Variants in PDZD8 observed in about 807,000 individuals in gnomAD.
PDZD8 encodes the protein PDZ domain-containing protein 8.
PDZD8 carries 14 observed loss-of-function variants against 85.8 expected under a neutral mutation model. The ratio of observed to expected loss-of-function variants is 0.16; its 90% confidence interval spans 0.11 to 0.26. The LOEUF is 0.26. Ranked by LOEUF, PDZD8 falls within the 10% of genes least tolerant of loss-of-function variation. PDZD8 has a pLI of 1.00. For missense variants in PDZD8, 1,197 were observed against 1,424.3 expected, an observed-to-expected ratio of 0.84 and a Z score of 2.57; for synonymous variants, 592 against 568.6, an observed-to-expected ratio of 1.04 and a Z score of -0.59.
intron 4 of PDZD8, among the ~76,000 whole-genome samples, chr10:117,287,300 A>G (rs1451321016): frequency 6.6e-6 from 1 of 151,916 alleles, no homozygotes; most frequent in African/African-American, 2.4e-5. Flanking sequence ...CACCTATACC[A>G]CCTGCACCTT....
intron 1 of PDZD8, among the ~76,000 whole-genome samples, chr10:117,341,429 C>T (rs993476295): frequency 8.5e-5 from 13 of 152,074 alleles, no homozygotes; most frequent in African/African-American, 2.4e-4. Flanking sequence ...AGTGTTCCTA[C>T]GGTACAAGAT....
At chr10:117,364,517 C>CA (rs201393038) in intron 1 of PDZD8, among the ~76,000 whole-genome samples, 2 of 149,232 alleles carry the variant, frequency 1.3e-5, no homozygotes, top group East Asian at 2.0e-4. Context: ...GAAGTCTGAG[C>CA]AAAAAAAAAT....
intron 1 of PDZD8, among the ~76,000 whole-genome samples, chr10:117,353,810 G>T (rs1449050213): frequency 6.6e-6 from 1 of 152,100 alleles, no homozygotes; most frequent in Non-Finnish European, 1.5e-5. Flanking sequence ...TGACTTTTAA[G>T]TGAAGTATTC....
chr10:117,317,570 C>T (rs935837066), intron 3 of PDZD8, among the ~76,000 whole-genome samples: 2 of 152,184 alleles, frequency 1.3e-5, no homozygotes, highest in Admixed American at 1.3e-4. Flanking sequence ...AATCTCATAT[C>T]TTTGCAAATA....
chr10:117,347,090 G>C (rs1844722380), intron 1 of PDZD8, among the ~76,000 whole-genome samples: 1 of 151,494 alleles, frequency 6.6e-6, no homozygotes, highest in African/African-American at 2.4e-5. Context: ...TCCCTGTCCT[G>C]AATTCTTTCT....
intron 2 of PDZD8, among the ~76,000 whole-genome samples, chr10:117,322,826 G>A (rs1168565513): frequency 6.6e-6 from 1 of 152,066 alleles, no homozygotes; most frequent in Non-Finnish European, 1.5e-5. Context: ...TCAGGGAATG[G>A]GTCAGTTAAC....
chr10:117,301,662 G>GCTTA lies in PDZD8; in HGVS notation c.1099-11318_1099-11315dup, dbSNP rs113540956. ...TTTACTGCCAAGTGAGGGACTACCA[G>GCTTA]CTTACTGTCCATCCCAATTAGAGGC... is the stretch of plus-strand genomic sequence containing the variant. On this transcript the variant is annotated intron_variant, in intron 3 of 4. Transcript: ENST00000334464. Among the ~76,000 whole-genome samples the GCTTA allele has an allele frequency of 3.6e-3, 551 of 152,292 alleles. 3 individuals are homozygous for GCTTA. Among genetic ancestry groups the GCTTA allele is most frequent in the African/African-American group, 0.013 (521 of 41,568 alleles).
At chr10:117,369,512 A>T (rs1370047111) in intron 1 of PDZD8, among the ~76,000 whole-genome samples, 1 of 152,126 alleles carries the variant, frequency 6.6e-6, no homozygotes, top group Non-Finnish European at 1.5e-5. Context: ...TCAAAAATGT[A>T]ATTAAAAGAA....
intron 1 of PDZD8, among the ~76,000 whole-genome samples, chr10:117,349,232 A>G (rs145071714): frequency 0.011 from 1,724 of 152,278 alleles, 87 homozygotes; most frequent in Admixed American, 0.087. Context: ...TGAAAGCTCC[A>G]GGAAGGAAAT....
At chr10:117,372,078 T>C (rs529997112) in intron 1 of PDZD8, among the ~76,000 whole-genome samples, 5 of 152,360 alleles carry the variant, frequency 3.3e-5, no homozygotes, top group Admixed American at 2.6e-4. Flanking sequence ...AGGATAAGCA[T>C]ATAGCAGGTG....
Position 117,283,862 on chromosome 10 carries a change from A to C in PDZD8, c.2871T>G (p.Ser957=), listed in dbSNP as rs778286761. Residue 957 remains serine, a synonymous_variant, in exon 5 of 5, where the codon TCT becomes TCG. Coordinates refer to ENST00000334464, the MANE Select transcript of PDZD8 (RefSeq NM_173791.5). Reference sequence around the variant, plus strand: ...GTTCTACGAGATCGGTTCCTGGTTCAGAAAGGCGAGTTTTAGAGACTTGAC... The same window carrying C: ...GTTCTACGAGATCGGTTCCTGGTTCCGAAAGGCGAGTTTTAGAGACTTGAC... The part of the protein sequence containing the change: ...NLRQVSKTRL[S]EPGTDLVEPS... 82 of 1,614,080 alleles carry C rather than the reference A, an allele frequency of 5.1e-5. No individual in the cohort carries two copies. In the Middle Eastern group the frequency reaches 1.5e-3, roughly 29 times the overall value.
chr10:117,286,707 T>C (rs1346640482), intron 4 of PDZD8, among the ~76,000 whole-genome samples: 3 of 152,346 alleles, frequency 2.0e-5, no homozygotes, highest in African/African-American at 7.2e-5. Flanking sequence ...CATGGTCCTG[T>C]TGGTCTCCTG....
intron 1 of PDZD8, among the ~76,000 whole-genome samples, chr10:117,371,413 G>A (rs1183893943): frequency 1.3e-5 from 2 of 152,160 alleles, no homozygotes; most frequent in Non-Finnish European, 2.9e-5. Flanking sequence ...TCACACTCCT[G>A]ACCTTAAGTA....
intron 4 of PDZD8, among the ~76,000 whole-genome samples, chr10:117,286,859 G>A (rs363297): frequency 0.013 from 1,972 of 152,178 alleles, 44 homozygotes; most frequent in African/African-American, 0.044. Context: ...TGAGCTTGCC[G>A]CTTGGATCTA....
chr10:117,372,238 T>C (rs1845206243), intron 1 of PDZD8, among the ~76,000 whole-genome samples: 1 of 152,222 alleles, frequency 6.6e-6, no homozygotes, highest in East Asian at 1.9e-4. Flanking sequence ...ATAACCAAAT[T>C]CATGCTGTTT....
rs112184833 is a variant in PDZD8, at chr10:117,298,721, G to A, written c.1099-8373C>T. Among the ~76,000 whole-genome samples the A allele has an allele frequency of 3.4e-3, 517 of 152,116 alleles. 3 individuals are homozygous for A. Among genetic ancestry groups the A allele is most frequent in the African/African-American group, 0.012 (488 of 41,512 alleles). On this transcript the variant is annotated intron_variant, in intron 3 of 4. Coordinates refer to ENST00000334464, the MANE Select transcript of PDZD8 (RefSeq NM_173791.5). Reference sequence around the variant, plus strand: ...ATTATATTCCTTTTGTAACTACAGTGAAGCTACAAGGTTGATCGATTCTAA... The same window carrying A: ...ATTATATTCCTTTTGTAACTACAGTAAAGCTACAAGGTTGATCGATTCTAA...
At position 117,283,152 on chromosome 10, in the gene PDZD8, G is replaced by A; in HGVS notation, c.*116C>T. The A allele has an allele frequency of 9.7e-7, 1 of 1,028,894 alleles. No individual in the cohort carries two copies. The highest frequency in any genetic ancestry group is 1.4e-6 in the Non-Finnish European group (1 of 723,314). 63.7% of individuals were successfully genotyped at this position (1,028,894 alleles called of 1,614,324 possible). On this transcript the variant is annotated 3_prime_UTR_variant, in exon 5 of 5. Coordinates refer to ENST00000334464, the MANE Select transcript of PDZD8 (RefSeq NM_173791.5). The stretch of plus-strand genomic sequence containing the variant: ...CTTTCTCATTTTTGTTCTTACACAA[G>A]CAAGTAACTGGAGAAGCAGGCCAGA...
chr10:117,322,777 T>A (rs1354042493), intron 2 of PDZD8, among the ~76,000 whole-genome samples: 2 of 152,030 alleles, frequency 1.3e-5, no homozygotes, highest in African/African-American at 4.8e-5. Flanking sequence ...GAGCAACCCA[T>A]CACTAAAAAA....
In PDZD8 at chr10:117,278,675, A is replaced by G. The variant is rs1844535726; in HGVS notation, c.*4593T>C. 1 of 152,226 alleles carries G rather than the reference A, an allele frequency of 6.6e-6. No individual in the cohort carries two copies. Among genetic ancestry groups the G allele is most frequent in the South Asian group, 2.1e-4 (1 of 4,834 alleles). 9.4% of individuals were successfully genotyped at this position (152,226 alleles called of 1,614,324 possible). ...GTGTTAACTTCGACATCAAGGAGCA[A>G]AGAACTTTAGAACAGACTCCTCAAT... On this transcript the variant is annotated 3_prime_UTR_variant, in exon 5 of 5. Coordinates refer to ENST00000334464, the MANE Select transcript of PDZD8 (RefSeq NM_173791.5).
Sources: gnomAD v4.1 joint callset for allele counts (sites outside exome capture counted in the v4.1 genomes callset) on GRCh38, gnomAD v4.1.1 for gene constraint, MANE v1.5 for transcripts, NCBI Gene and HGNC (gene_info 2026-07-23, HGNC 2026-07-21) for gene names.